Variants in UBE2G1 observed in about 807,000 individuals in gnomAD.
The protein encoded by UBE2G1 is ubiquitin conjugating enzyme E2 G1.
A neutral mutation model predicts 22.7 loss-of-function variants in UBE2G1; 5 were observed. The ratio of observed to expected loss-of-function variants is 0.22; its 90% CI spans 0.12 to 0.46. The LOEUF (loss-of-function observed/expected upper bound fraction) is 0.46, where lower values mean the gene tolerates loss of function less well. UBE2G1 is among the 20% of genes least tolerant of loss of function. UBE2G1 has a pLI of 0.99. For synonymous variants in UBE2G1, 74 were observed against 67.5 expected, an observed-to-expected ratio of 1.10 and a Z score of -0.47; for missense variants, 88 against 203.9, an observed-to-expected ratio of 0.43 and a Z score of 3.46.
intron 5 of UBE2G1, among the ~76,000 whole-genome samples, chr17:4,278,500 T>C (rs1968847278): frequency 6.6e-6 from 1 of 152,226 alleles, no homozygotes. Flanking sequence ...TGGGCTGCAT[T>C]CAAAGCTGTC....
intron 1 of UBE2G1, among the ~76,000 whole-genome samples, chr17:4,317,991 T>A (rs979509042): frequency 6.6e-6 from 1 of 152,210 alleles, no homozygotes; most frequent in Admixed American, 6.5e-5. Flanking sequence ...TTTCTGAATG[T>A]CACTTCACAA....
rs187190865 is a variant in UBE2G1, at chr17:4,301,614, A to G, written c.150-4800T>C. The G allele has an allele frequency of 2.1e-5, 21 of 1,020,574 alleles. No individual in the cohort carries two copies. The African/African-American group carries it at 3.2e-4, about 15-fold the overall frequency. The allele number at this position is 1,020,574 out of a possible 1,614,324, so 63.2% of individuals were successfully genotyped here. Reference sequence around the variant, plus strand: ...CTTTTTAAAAGACCGAGTATTTGGAATATGATGGGGCACAATTACTTTTAG... The same window carrying G: ...CTTTTTAAAAGACCGAGTATTTGGAGTATGATGGGGCACAATTACTTTTAG... On this transcript the variant is annotated intron_variant, in intron 2 of 5. Transcript: ENST00000396981.
intron 5 of UBE2G1, among the ~76,000 whole-genome samples, chr17:4,274,538 A>G (rs948653408): frequency 2.6e-5 from 4 of 152,042 alleles, no homozygotes; most frequent in East Asian, 1.9e-4. Context: ...AACCATACCA[A>G]AAGCTCTGTT....
intron 5 of UBE2G1, among the ~76,000 whole-genome samples, chr17:4,274,712 G>C (rs149924777): frequency 6.6e-6 from 1 of 152,034 alleles, no homozygotes; most frequent in Admixed American, 6.6e-5. Flanking sequence ...CCAGATACAC[G>C]TATGCACATA....
intron 1 of UBE2G1, among the ~76,000 whole-genome samples, chr17:4,340,799 G>A (rs1969702375): frequency 6.7e-6 from 1 of 149,152 alleles, no homozygotes; most frequent in Non-Finnish European, 1.5e-5. Flanking sequence ...ATAGAGATGG[G>A]GTCTCACAAT....
rs113929172 is a variant in UBE2G1, at chr17:4,332,656, A to T, written c.47-25533T>A. 8.9e-4 allele frequency among the ~76,000 whole-genome samples: 135 copies of T among 152,202 alleles called. 1 individual carries two copies. The highest frequency in any genetic ancestry group is 3.1e-3 in the African/African-American group (127 of 41,534). On this transcript the variant is annotated intron_variant, in intron 1 of 5. Transcript: ENST00000396981. ...AGCATCTCTCTCCAACCTTCAGCTA[A>T]GTGCTGTGCCACCTCCCTCCAGCGT... is the stretch of plus-strand genomic sequence containing the variant.
intron 2 of UBE2G1, among the ~76,000 whole-genome samples, chr17:4,297,037 C>A (rs1816401664): frequency 6.6e-6 from 1 of 152,202 alleles, no homozygotes; most frequent in African/African-American, 2.4e-5. Context: ...AAAATGAAAT[C>A]ATCTGCTAAA....
At chr17:4,309,446 A>G (rs1275558874) in intron 1 of UBE2G1, among the ~76,000 whole-genome samples, 1 of 152,234 alleles carries the variant, frequency 6.6e-6, no homozygotes, top group African/African-American at 2.4e-5. Context: ...AATCTAAAAT[A>G]CTTTTTAAAG....
intron 1 of UBE2G1, among the ~76,000 whole-genome samples, chr17:4,313,625 T>TTCTCTCTC (rs71832912): frequency 1.3e-5 from 2 of 149,888 alleles, no homozygotes; most frequent in African/African-American, 2.4e-5. Flanking sequence ...ACGATAGTAT[T>TTCTCTCTC]TCTCTCTCTC....
intron 1 of UBE2G1, among the ~76,000 whole-genome samples, chr17:4,362,739 A>T (rs1373450589): frequency 6.6e-6 from 1 of 152,176 alleles, no homozygotes; most frequent in African/African-American, 2.4e-5. Flanking sequence ...ACATGCCTGT[A>T]ATCTCAGCTA....
intron 3 of UBE2G1, 143 bp from the exon 4 acceptor site, chr17:4,289,551 T>G: frequency 1.1e-6 from 1 of 921,202 alleles, no homozygotes; most frequent in Non-Finnish European, 1.5e-6. Flanking sequence ...AAATGCAATG[T>G]GTTGACTTTT....
At chr17:4,343,319 C>T (rs771826122) in intron 1 of UBE2G1, among the ~76,000 whole-genome samples, 3 of 152,082 alleles carry the variant, frequency 2.0e-5, no homozygotes, top group African/African-American at 7.2e-5. Context: ...AGGCCAGGCG[C>T]GGTAGCTCAC....
rs552593910 is a variant in UBE2G1 at position 4,359,860 on chromosome 17, A to C, written c.46+6411T>G. Among the ~76,000 whole-genome samples the C allele has an allele frequency of 3.7e-3, 553 of 151,452 alleles. 6 individuals carry two copies. Among genetic ancestry groups the C allele is most frequent in the African/African-American group, 0.013 (528 of 41,348 alleles). On this transcript the variant is annotated intron_variant, in intron 1 of 5. Transcript: ENST00000396981. Reference sequence around the variant, plus strand: ...GAACAAGGCTCCATCTCAAAAAAAAAAAAAAAACAAACAAAAAAAAACTGC... The same window carrying C: ...GAACAAGGCTCCATCTCAAAAAAAACAAAAAAACAAACAAAAAAAAACTGC...
intron 4 of UBE2G1, among the ~76,000 whole-genome samples, chr17:4,288,683 C>T (rs1968999394): frequency 6.6e-6 from 1 of 152,120 alleles, no homozygotes; most frequent in African/African-American, 2.4e-5. Flanking sequence ...CTGCCCATTC[C>T]ACCCCCAATT....
chr17:4,289,029 C>A (rs1969003089), intron 4 of UBE2G1, among the ~76,000 whole-genome samples: 2 of 151,588 alleles, frequency 1.3e-5, no homozygotes, highest in Admixed American at 6.6e-5. Context: ...GACAGAGAGA[C>A]CCTGTCTCAA....
intron 5 of UBE2G1, among the ~76,000 whole-genome samples, chr17:4,273,932 A>C (rs1225213510): frequency 6.6e-6 from 1 of 152,100 alleles, no homozygotes; most frequent in East Asian, 1.9e-4. Flanking sequence ...ACAAATTTTA[A>C]CTCACACCAG....
intron 3 of UBE2G1, 139 bp downstream of exon 3, chr17:4,296,578 A>G: frequency 1.2e-6 from 1 of 855,262 alleles, no homozygotes; most frequent in Non-Finnish European, 1.9e-6. Context: ...AGGTTTTAGT[A>G]CACAGCCATG....
At chr17:4,347,413 CAT>C (rs1246245100) in intron 1 of UBE2G1, among the ~76,000 whole-genome samples, 1 of 150,512 alleles carries the variant, frequency 6.6e-6, no homozygotes, top group Non-Finnish European at 1.5e-5. Flanking sequence ...TTTCCAACAT[CAT>C]GTGCTCACTT....
At chr17:4,300,252 T>A (rs1969159847) in intron 2 of UBE2G1, among the ~76,000 whole-genome samples, 2 of 152,316 alleles carry the variant, frequency 1.3e-5, no homozygotes, top group South Asian at 4.1e-4. Context: ...TATAGAAAGA[T>A]GTGACTGTGG....
Sources: gnomAD v4.1 joint callset for allele counts (sites outside exome capture counted in the v4.1 genomes callset) on GRCh38, gnomAD v4.1.1 for gene constraint, MANE v1.5 for transcripts, NCBI Gene and HGNC (gene_info 2026-07-23, HGNC 2026-07-21) for gene names.